KCNN3: variants seen among roughly 807,000 people sequenced by gnomAD.
The protein encoded by KCNN3 is small conductance calcium-activated potassium channel protein 3.
In KCNN3, 16 loss-of-function variants were observed where a neutral mutation model predicts 62.9. That is an observed-to-expected ratio of 0.25 (90% confidence interval 0.17 to 0.39). The LOEUF is 0.39. Among genes scored for constraint, KCNN3 ranks in the 10% least tolerant of loss-of-function variants. KCNN3 has a pLI of 1.00. For missense variants in KCNN3, 599 were observed against 949.4 expected, an observed-to-expected ratio of 0.63 and a Z score of 4.85; for synonymous variants, 370 against 389.2, an observed-to-expected ratio of 0.95 and a Z score of 0.58.
chr1:154,759,822 T>C (rs1363553568), intron 3 of KCNN3, among the ~76,000 whole-genome samples: 2 of 152,204 alleles, frequency 1.3e-5, no homozygotes, highest in Non-Finnish European at 2.9e-5. Context: ...TAATTTGGAA[T>C]AATTTGGGGA....
At chr1:154,793,113 GTCAA>G (rs1049471408) in intron 2 of KCNN3, among the ~76,000 whole-genome samples, 1 of 152,160 alleles carries the variant, frequency 6.6e-6, no homozygotes, top group African/African-American at 2.4e-5. Flanking sequence ...AGATGGACAG[GTCAA>G]TCAGAAAGAA....
intron 3 of KCNN3, among the ~76,000 whole-genome samples, chr1:154,735,173 GAC>G (rs934292507): frequency 3.9e-5 from 6 of 152,182 alleles, no homozygotes; most frequent in Non-Finnish European, 8.8e-5. Flanking sequence ...GAAGAGACAG[GAC>G]ACAGAGGTGG....
intron 1 of KCNN3, among the ~76,000 whole-genome samples, chr1:154,829,734 G>C (rs575481114): frequency 2.6e-5 from 4 of 152,118 alleles, no homozygotes; most frequent in African/African-American, 9.7e-5. Flanking sequence ...TCCCTGAACG[G>C]GGTCCATATA....
At chr1:154,847,273 C>A (rs1437401619) in intron 1 of KCNN3, among the ~76,000 whole-genome samples, 1 of 152,032 alleles carries the variant, frequency 6.6e-6, no homozygotes, top group Non-Finnish European at 1.5e-5. Context: ...GCAGAGCCAG[C>A]GTGAATATCA....
At chr1:154,807,239 G>T (rs1233703478) in intron 2 of KCNN3, among the ~76,000 whole-genome samples, 3 of 152,132 alleles carry the variant, frequency 2.0e-5, no homozygotes, top group African/African-American at 7.2e-5. Flanking sequence ...GCTGAGCGCA[G>T]GGTCAAAGAG....
At position 154,698,224 on chromosome 1, in the gene KCNN3, A is replaced by G. The variant is rs951764246; in HGVS notation, c.*9752T>C. The G allele has an allele frequency of 6.6e-6, 1 of 152,236 alleles. No individual in the cohort carries two copies. The highest frequency in any genetic ancestry group is 2.4e-5 in the African/African-American group (1 of 41,460). 9.4% of individuals were successfully genotyped at this position (152,236 alleles called of 1,614,324 possible). A position where few individuals can be genotyped will look rare whatever the true frequency, so the allele number is the denominator to read the frequency against. On this transcript the variant is annotated 3_prime_UTR_variant, in exon 8 of 8. Transcript: ENST00000271915. ...ATTATTATTATTTACCTAGAACTAC[A>G]GAAAAATTTATGGGAAGGAAAGTAA...
intron 1 of KCNN3, among the ~76,000 whole-genome samples, chr1:154,840,116 T>C (rs1651765979): frequency 6.6e-6 from 1 of 152,092 alleles, no homozygotes; most frequent in South Asian, 2.1e-4. Flanking sequence ...GGTGGTGATT[T>C]CAATAATGTA....
chr1:154,788,161 G>C (rs774127487), intron 2 of KCNN3, among the ~76,000 whole-genome samples: 1 of 152,218 alleles, frequency 6.6e-6, no homozygotes, highest in Non-Finnish European at 1.5e-5. Context: ...AGGAGCAGCA[G>C]CAGCTGCATT....
At chr1:154,828,434 C>T (rs572150856) in intron 1 of KCNN3, among the ~76,000 whole-genome samples, 13 of 152,096 alleles carry the variant, frequency 8.5e-5, no homozygotes, top group Admixed American at 6.5e-4. Context: ...AACCCACTCA[C>T]ACCATCTTCT....
intron 2 of KCNN3, among the ~76,000 whole-genome samples, chr1:154,776,255 A>T (rs1233078953): frequency 2.6e-5 from 4 of 152,218 alleles, no homozygotes; most frequent in African/African-American, 9.7e-5. Flanking sequence ...CACATCTCCA[A>T]CAGGGGAACA....
In KCNN3 at chr1:154,781,020, G is replaced by A. The variant is rs113328250; in HGVS notation, c.1030-8627C>T. ...CATCTGAAACCATCCCACTCCCTGG[G>A]CCATGTGTGATGTCCCACAGTGGCT... On this transcript the variant is annotated intron_variant, in intron 2 of 7. Transcript: ENST00000271915. Among the ~76,000 whole-genome samples the A allele has an allele frequency of 4.0e-3, 608 of 152,280 alleles. 3 individuals carry two copies. The highest frequency in any genetic ancestry group is 0.014 in the African/African-American group (586 of 41,552).
chr1:154,782,035 C>T (rs1044143663), intron 2 of KCNN3, among the ~76,000 whole-genome samples: 3 of 152,060 alleles, frequency 2.0e-5, no homozygotes, highest in Admixed American at 6.6e-5. Context: ...ACAGAGGGGA[C>T]AGCATGTGCA....
At chr1:154,778,899 G>T (rs1328391365) in intron 2 of KCNN3, among the ~76,000 whole-genome samples, 1 of 152,060 alleles carries the variant, frequency 6.6e-6, no homozygotes, top group African/African-American at 2.4e-5. Context: ...ACCACGCCTG[G>T]CCAGTACAGC....
At chr1:154,747,845 T>C (rs553199779) in intron 3 of KCNN3, among the ~76,000 whole-genome samples, 4 of 152,260 alleles carry the variant, frequency 2.6e-5, no homozygotes, top group Admixed American at 2.6e-4. Context: ...AGCAACTGCT[T>C]ATTCTCTCCT....
At chr1:154,866,642 G>A (rs1652965934) in intron 1 of KCNN3, among the ~76,000 whole-genome samples, 1 of 152,246 alleles carries the variant, frequency 6.6e-6, no homozygotes, top group Admixed American at 6.5e-5. Flanking sequence ...GTGCAGGGAT[G>A]GGTGAATGAG....
In KCNN3 at chr1:154,707,851, A is replaced by T; in HGVS notation, c.*125T>A. The T allele has an allele frequency of 9.2e-7, 1 of 1,083,628 alleles. No homozygotes were observed. Among genetic ancestry groups the T allele is most frequent in the Non-Finnish European group, 1.3e-6 (1 of 741,662 alleles). The allele number at this position is 1,083,628 out of a possible 1,614,324, so 67.1% of individuals were successfully genotyped here. On this transcript the variant is annotated 3_prime_UTR_variant, in exon 8 of 8. Transcript: ENST00000271915. ...CACGCTGAATGAACATGAGTTAGTT[A>T]ATTAGCTCGGTCTCTCTTCTTTCCG...
chr1:154,786,545 A>T (rs925364009), intron 2 of KCNN3, among the ~76,000 whole-genome samples: 4 of 152,250 alleles, frequency 2.6e-5, no homozygotes, highest in African/African-American at 9.6e-5. Context: ...AGAAACTTAC[A>T]GCATAATGGG....
intron 2 of KCNN3, among the ~76,000 whole-genome samples, chr1:154,785,572 CTTT>C (rs59033291): frequency 0.27 from 29,873 of 109,356 alleles, 3,986 homozygotes; most frequent in Middle Eastern, 0.39. Context: ...TTTTCTTTTT[CTTT>C]TTTTTTTTTT....
rs923121571 is a variant in KCNN3, at chr1:154,792,408, G to A, written c.1030-20015C>T. On this transcript the variant is annotated intron_variant, in intron 2 of 7. Transcript: ENST00000271915. Reference sequence around the variant, plus strand: ...GTTCCACTGGAAACAGGTGGGACTTGTCCTCCCCATACAGACTATAGAAGA... The same window carrying A: ...GTTCCACTGGAAACAGGTGGGACTTATCCTCCCCATACAGACTATAGAAGA... Among the ~76,000 whole-genome samples, 46 of 152,360 alleles carry A rather than the reference G, an allele frequency of 3.0e-4. No individual in the cohort carries two copies. In the Middle Eastern group the frequency reaches 0.01, roughly 34 times the overall value.
Sources: allele counts gnomAD v4.1 joint callset (sites outside exome capture counted in the v4.1 genomes callset), GRCh38; gene constraint gnomAD v4.1.1; transcripts MANE v1.5; gene names NCBI Gene and HGNC (gene_info 2026-07-23, HGNC 2026-07-21).